Variants in NLGN1 observed in about 807,000 individuals in gnomAD.
The protein encoded by NLGN1 is neuroligin 1, also known as neuroligin-1.
A neutral mutation model predicts 65.5 loss-of-function variants in NLGN1; 12 were observed. The observed-to-expected ratio is 0.18, with a 90% confidence interval of 0.12 to 0.30. NLGN1 has a LOEUF of 0.30. NLGN1 is among the 10% of genes least tolerant of loss of function. The pLI, the probability that NLGN1 is intolerant of heterozygous loss-of-function variation, is 1.00. For missense variants in NLGN1, 750 were observed against 1,007.1 expected (o/e 0.74, Z 3.46); for synonymous variants, 350 against 359.5 (o/e 0.97, Z 0.30).
intron 4 of NLGN1, among the ~76,000 whole-genome samples, chr3:174,148,882 A>G (rs373981520): frequency 6.6e-6 from 1 of 152,176 alleles, no homozygotes; most frequent in African/African-American, 2.4e-5. Context: ...TTATTCTGCT[A>G]TTGCAGGCCT....
chr3:173,596,478 T>C (rs940605300), intron 2 of NLGN1, among the ~76,000 whole-genome samples: 5 of 152,216 alleles, frequency 3.3e-5, no homozygotes, highest in African/African-American at 1.2e-4. Flanking sequence ...GATGTTACTG[T>C]GGCTTTGTGT....
intron 4 of NLGN1, among the ~76,000 whole-genome samples, chr3:174,003,138 A>G (rs1355489268): frequency 6.6e-6 from 1 of 152,164 alleles, no homozygotes; most frequent in African/African-American, 2.4e-5. Context: ...AGGAGCTGGA[A>G]AAAAAGAAGG....
chr3:173,900,548 A>G (rs979461598), intron 4 of NLGN1, among the ~76,000 whole-genome samples: 2 of 152,058 alleles, frequency 1.3e-5, no homozygotes, highest in African/African-American at 2.4e-5. Flanking sequence ...ATGGTTTTGA[A>G]TAACTCTATC....
intron 1 of NLGN1, among the ~76,000 whole-genome samples, chr3:173,415,495 G>A (rs995788028): frequency 4.6e-5 from 7 of 152,206 alleles, no homozygotes; most frequent in Non-Finnish European, 7.3e-5. Flanking sequence ...GTTGGATGAT[G>A]TAGATATAAG....
intron 3 of NLGN1, among the ~76,000 whole-genome samples, chr3:173,606,577 A>G (rs1751444523): frequency 6.6e-6 from 1 of 152,028 alleles, no homozygotes; most frequent in South Asian, 2.1e-4. Context: ...TCATTATAGC[A>G]TCCTTGTGGG....
At chr3:173,733,573 G>C (rs1476553129) in intron 3 of NLGN1, among the ~76,000 whole-genome samples, 1 of 152,088 alleles carries the variant, frequency 6.6e-6, no homozygotes, top group Non-Finnish European at 1.5e-5. Context: ...CATATTGCCT[G>C]CAAGTGTACC....
intron 4 of NLGN1, among the ~76,000 whole-genome samples, chr3:174,091,341 C>T: frequency 6.6e-6 from 1 of 152,134 alleles, no homozygotes; most frequent in African/African-American, 2.4e-5. Flanking sequence ...TTAAAAATTT[C>T]TCTAAGTGAT....
rs571798204 is a variant in NLGN1 at position 173,677,214 on chromosome 3, A to G, written c.493+72123A>G. On this transcript the variant is annotated intron_variant, in intron 3 of 6. Transcript: ENST00000457714. ...GGCTAGAAGGGTGATCTGAAGACCA[A>G]GATTTACACCCAGGAATACAAATCA... Among the ~76,000 whole-genome samples, 21 of 152,142 alleles carry G rather than the reference A, an allele frequency of 1.4e-4. 1 individual carries two copies. The South Asian group carries it at 3.9e-3, about 29-fold the overall frequency.
chr3:173,915,775 C>CTT (rs140153528), intron 4 of NLGN1, among the ~76,000 whole-genome samples: 4 of 151,914 alleles, frequency 2.6e-5, no homozygotes, highest in African/African-American at 9.7e-5. Context: ...ATTGAATAGC[C>CTT]TTTTTCTTTC....
intron 4 of NLGN1, among the ~76,000 whole-genome samples, chr3:174,005,815 TA>T (rs1387076393): frequency 2.0e-5 from 3 of 152,160 alleles, no homozygotes; most frequent in Non-Finnish European, 4.4e-5. Context: ...TATGTAACAG[TA>T]GATAAAATAT....
At chr3:174,293,439 GCCAAC>G in the NLGN1 span, among the ~76,000 whole-genome samples, 1 of 151,230 alleles carries the variant, frequency 6.6e-6, no homozygotes, top group Non-Finnish European at 1.5e-5. Flanking sequence ...GAAAGGACCC[GCCAAC>G]TGCCCAGTGT....
chr3:173,653,062 A>G (rs1300430980), intron 3 of NLGN1, among the ~76,000 whole-genome samples: 1 of 152,168 alleles, frequency 6.6e-6, no homozygotes, highest in Non-Finnish European at 1.5e-5. Flanking sequence ...GTGTATAAAA[A>G]TGCTACTGAT....
intron 4 of NLGN1, among the ~76,000 whole-genome samples, chr3:174,133,049 T>C (rs963724580): frequency 3.3e-5 from 5 of 152,216 alleles, no homozygotes; most frequent in Admixed American, 2.0e-4. Flanking sequence ...TGATCAGTTA[T>C]AGATCATCTC....
In NLGN1 at chr3:173,618,184, G is replaced by A. The variant is rs2149492813; in HGVS notation, c.493+13093G>A. On this transcript the variant is annotated intron_variant, in intron 3 of 6. Coordinates refer to ENST00000457714, the Ensembl canonical transcript of NLGN1. ...ATATACGTGAATTCAGTGGGTTTTTGTCATTGTTCTTCTTTTCTTCTTTTT... is the reference window on the plus strand; with the variant it reads ...ATATACGTGAATTCAGTGGGTTTTTATCATTGTTCTTCTTTTCTTCTTTTT... Among the ~76,000 whole-genome samples, 2 of 150,804 alleles carry A rather than the reference G, an allele frequency of 1.3e-5. 1 individual carries two copies. Among genetic ancestry groups the A allele is most frequent in the African/African-American group, 4.9e-5 (2 of 40,800 alleles).
At chr3:174,195,671 A>G (rs1363011521) in intron 4 of NLGN1, among the ~76,000 whole-genome samples, 2 of 152,168 alleles carry the variant, frequency 1.3e-5, no homozygotes, top group Non-Finnish European at 2.9e-5. Context: ...CTGACTTGCA[A>G]TATTATCTTG....
At chr3:173,642,058 A>T (rs899933054) in intron 3 of NLGN1, among the ~76,000 whole-genome samples, 6 of 151,830 alleles carry the variant, frequency 4.0e-5, no homozygotes, top group African/African-American at 9.7e-5. Flanking sequence ...ATATATATAT[A>T]TTTTAATGTC....
chr3:173,922,398 T>C (rs182108397), intron 4 of NLGN1, among the ~76,000 whole-genome samples: 1 of 152,206 alleles, frequency 6.6e-6, no homozygotes, highest in Non-Finnish European at 1.5e-5. Context: ...TATATAATGT[T>C]AACTTTGCTA....
intron 4 of NLGN1, among the ~76,000 whole-genome samples, chr3:174,061,050 A>G (rs929675617): frequency 5.9e-5 from 9 of 152,232 alleles, no homozygotes; most frequent in Middle Eastern, 6.8e-3. Flanking sequence ...TTGCCTATTA[A>G]ATAAGGTCTC....
intron 4 of NLGN1, among the ~76,000 whole-genome samples, chr3:173,826,971 T>C (rs1054638147): frequency 6.6e-6 from 1 of 152,012 alleles, no homozygotes; most frequent in Non-Finnish European, 1.5e-5. Context: ...GCAAGTAATA[T>C]GTACTGTGAA....
Sources: gnomAD v4.1 joint callset for allele counts (sites outside exome capture counted in the v4.1 genomes callset) on GRCh38, gnomAD v4.1.1 for gene constraint, MANE v1.5 for transcripts, NCBI Gene and HGNC (gene_info 2026-07-23, HGNC 2026-07-21) for gene names.